MXI1: variants seen among roughly 807,000 people sequenced by gnomAD.
The protein encoded by MXI1 is max-interacting protein 1.
MXI1 carries 18 observed loss-of-function variants against 36.9 expected under a neutral mutation model. The ratio of observed to expected loss-of-function variants is 0.49; its 90% CI spans 0.34 to 0.72. MXI1 has a LOEUF of 0.72. Among genes scored for constraint, MXI1 ranks in the 30% least tolerant of loss-of-function variants. MXI1 has a pLI of 0.01. For synonymous variants in MXI1, 160 were observed against 146.7 expected (o/e 1.09, Z -0.65); for missense variants, 304 against 379.1 (o/e 0.80, Z 1.64).
At chr10:110,239,570 A>T (rs912248625) in intron 2 of MXI1, among the ~76,000 whole-genome samples, 1 of 152,146 alleles carries the variant, frequency 6.6e-6, no homozygotes, top group Admixed American at 6.6e-5. Flanking sequence ...GCTGATTTCT[A>T]ATTAAATTTC....
chr10:110,236,182 G>A (rs941190582), intron 2 of MXI1, among the ~76,000 whole-genome samples: 9 of 56,252 alleles, frequency 1.6e-4, no homozygotes, highest in African/African-American at 6.0e-4. Context: ...ACATCCAGTT[G>A]TTCCAGTATC....
chr10:110,218,525 G>C (rs1854715099), intron 1 of MXI1, among the ~76,000 whole-genome samples: 1 of 152,076 alleles, frequency 6.6e-6, no homozygotes, highest in Non-Finnish European at 1.5e-5. Flanking sequence ...CCTCCCTGGA[G>C]CGACTTCCTT....
At chr10:110,228,400 C>A in intron 2 of MXI1, 79 bp downstream of exon 2, 1 of 1,561,822 alleles carries the variant, frequency 6.4e-7, no homozygotes, top group Non-Finnish European at 8.7e-7. Flanking sequence ...TCTGAAGGAG[C>A]AGCACTTGAT....
chr10:110,262,978 T>C (rs951580663), intron 3 of MXI1, among the ~76,000 whole-genome samples: 6 of 152,212 alleles, frequency 3.9e-5, no homozygotes, highest in Non-Finnish European at 8.8e-5. Flanking sequence ...TATACTGTTA[T>C]TTCCTCCCTT....
chr10:110,216,665 GTTTTTTTTTT>G, intron 1 of MXI1, among the ~76,000 whole-genome samples: 1 of 79,060 alleles, frequency 1.3e-5, no homozygotes, highest in Non-Finnish European at 2.0e-5. Flanking sequence ...TGTGTTTAAT[GTTTTTTTTTT>G]TTTTTTTTTT....
Position 110,208,097 on chromosome 10 carries a change from C to T in MXI1, c.274+15C>T, listed in dbSNP as rs1202707336. 3 of 1,569,702 alleles carry T rather than the reference C, an allele frequency of 1.9e-6. No individual in the cohort carries two copies. Among genetic ancestry groups the T allele is most frequent in the Non-Finnish European group, 2.6e-6 (3 of 1,159,716 alleles). ...AGAAAACAAAAGTAAGTTTGGGGGC[C>T]CCTGCTCTTCCTCGGCGCCCGGTTC... On this transcript the variant is annotated intron_variant, in intron 1 of 5. Coordinates refer to ENST00000332674, the MANE Select transcript of MXI1 (RefSeq NM_130439.3).
At chr10:110,240,237 C>G (rs1590359123) in intron 2 of MXI1, among the ~76,000 whole-genome samples, 1 of 151,910 alleles carries the variant, frequency 6.6e-6, no homozygotes, top group South Asian at 2.1e-4. Flanking sequence ...TTTGTATGTC[C>G]TTTGGTGAAC....
chr10:110,207,841 G>A lies in MXI1; in HGVS notation c.33G>A (p.Ala11=). The change falls in exon 1 of 6, where the codon GCG becomes GCA. Residue 11 remains alanine (A), a synonymous_variant. Coordinates refer to ENST00000332674, the MANE Select transcript of MXI1 (RefSeq NM_130439.3). Reference sequence around the variant, plus strand: ...AACGCGGGCGGCCGCGCAAGGAGGCGCGCTGCGAGGGCGCGGGGCTGGCCC... The same window carrying A: ...AACGCGGGCGGCCGCGCAAGGAGGCACGCTGCGAGGGCGCGGGGCTGGCCC... The part of the protein sequence containing the change: MGKRGRPRKE[A]RCEGAGLAPA... 2 of 1,135,268 alleles carry A rather than the reference G, an allele frequency of 1.8e-6. No homozygotes were observed. The highest frequency in any genetic ancestry group is 2.2e-6 in the Non-Finnish European group (2 of 927,166). The allele number at this position is 1,135,268 out of a possible 1,614,324, so 70.3% of individuals were successfully genotyped here.
intron 1 of MXI1, 92 bp downstream of exon 1, chr10:110,208,174 C>CG (rs1298751232): frequency 7.4e-7 from 1 of 1,350,878 alleles, no homozygotes; most frequent in East Asian, 3.0e-5. Flanking sequence ...GCCCGTCCCC[C>CG]CCCCGCCCAA....
chr10:110,257,815 TG>T, intron 3 of MXI1: 1 of 353,810 alleles, frequency 2.8e-6, no homozygotes. Flanking sequence ...CCTGAGCTGC[TG>T]GAACCTATTC....
At chr10:110,244,262 T>C (rs1292908547) in intron 2 of MXI1, among the ~76,000 whole-genome samples, 2 of 152,044 alleles carry the variant, frequency 1.3e-5, no homozygotes, top group Non-Finnish European at 2.9e-5. Flanking sequence ...TTTATTAATA[T>C]ATTTTTTCTT....
intron 3 of MXI1, among the ~76,000 whole-genome samples, chr10:110,271,806 T>A (rs1856862092): frequency 1.3e-5 from 2 of 152,200 alleles, no homozygotes; most frequent in Admixed American, 1.3e-4. Context: ...TGATGATAAT[T>A]GTTATTGACT....
chr10:110,262,113 T>C (rs1170966583), intron 3 of MXI1, among the ~76,000 whole-genome samples: 1 of 152,134 alleles, frequency 6.6e-6, no homozygotes, highest in African/African-American at 2.4e-5. Flanking sequence ...GGCTCTTGTA[T>C]CTGTGAACTC....
At chr10:110,245,486 C>T (rs76109058) in intron 3 of MXI1, among the ~76,000 whole-genome samples, 7,984 of 152,146 alleles carry the variant, frequency 0.052, 318 homozygotes, top group Middle Eastern at 0.15. Context: ...AGAAGGTCAC[C>T]TGATACCTTT....
At position 110,279,890 on chromosome 10, in the gene MXI1, G is replaced by A. The variant is rs536413448; in HGVS notation, c.553-24G>A. 44 of 1,585,458 alleles carry A rather than the reference G, an allele frequency of 2.8e-5. No homozygotes were observed. In the Admixed American group the frequency reaches 6.9e-4, roughly 25 times the overall value. Reference sequence around the variant, plus strand: ...TGTTTGTACTGGACTATACACAAATGTAAAAATCATTTCATCATTTCAGAA... The same window carrying A: ...TGTTTGTACTGGACTATACACAAATATAAAAATCATTTCATCATTTCAGAA... On this transcript the variant is annotated intron_variant, in intron 4 of 5. Coordinates refer to ENST00000332674, the MANE Select transcript of MXI1 (RefSeq NM_130439.3).
chr10:110,211,245 C>G (rs1854506041), intron 1 of MXI1, among the ~76,000 whole-genome samples: 1 of 152,134 alleles, frequency 6.6e-6, no homozygotes, highest in Admixed American at 6.5e-5. Context: ...CACATGGAGA[C>G]AAACTTCTTT....
chr10:110,258,792 T>C (rs1177185011), intron 3 of MXI1, among the ~76,000 whole-genome samples: 1 of 152,136 alleles, frequency 6.6e-6, no homozygotes, highest in Non-Finnish European at 1.5e-5. Context: ...AATGAAGTCA[T>C]TGCAGTTGTG....
chr10:110,279,811 TCA>T (rs1320089242), intron 4 of MXI1, 101 bp from the exon 5 acceptor site: 2 of 742,842 alleles, frequency 2.7e-6, no homozygotes, highest in African/African-American at 1.8e-5. Context: ...TTATACACAC[TCA>T]CACATGTATA....
Position 110,286,246 on chromosome 10 carries a change from T to G in MXI1, c.*1259T>G, listed in dbSNP as rs1297661962. 6.6e-6 allele frequency: 1 copy of G among 152,662 alleles called. No individual in the cohort carries two copies. Among genetic ancestry groups the G allele is most frequent in the Non-Finnish European group, 1.5e-5 (1 of 68,048 alleles). 9.5% of individuals were successfully genotyped at this position (152,662 alleles called of 1,614,324 possible). A position where few individuals can be genotyped will look rare whatever the true frequency, so the allele number is the denominator to read the frequency against. On this transcript the variant is annotated 3_prime_UTR_variant, in exon 6 of 6. Coordinates refer to ENST00000332674, the MANE Select transcript of MXI1 (RefSeq NM_130439.3). ...TTTGCTTCCATTTTCCTACAGGCAG[T>G]CTCTCTCTTCCTCACAGTCCCACTG... is the stretch of plus-strand genomic sequence containing the variant.
Sources: allele counts gnomAD v4.1 joint callset (sites outside exome capture counted in the v4.1 genomes callset), GRCh38; gene constraint gnomAD v4.1.1; transcripts MANE v1.5; gene names NCBI Gene and HGNC (gene_info 2026-07-23, HGNC 2026-07-21).